The following MMP20 variants were observed in gnomAD, a reference collection of about 807,000 sequenced individuals.
The protein encoded by MMP20 is matrix metallopeptidase 20, also known as matrix metalloproteinase-20.
A neutral mutation model predicts 51.8 loss-of-function variants in MMP20; 50 were observed. That is an observed-to-expected ratio of 0.97 (90% CI 0.77 to 1.22). MMP20 has a LOEUF of 1.22. MMP20 is among the 50% of genes most tolerant of loss of function. The probability of loss-of-function intolerance (pLI) is 0.00; values close to 1 mark genes in which losing one functional copy is unlikely to be tolerated. For missense variants in MMP20, 663 were observed against 601.4 expected, an observed-to-expected ratio of 1.10 and a Z score of -1.07; for synonymous variants, 244 against 216.2, an observed-to-expected ratio of 1.13 and a Z score of -1.13.
intron 8 of MMP20, among the ~76,000 whole-genome samples, chr11:102,585,867 G>T (rs752588354): frequency 6.6e-5 from 10 of 152,082 alleles, no homozygotes; most frequent in Non-Finnish European, 1.3e-4. Flanking sequence ...TATCTACTGA[G>T]ATGATCATAT....
chr11:102,612,893 C>T (rs774568387), intron 2 of MMP20, among the ~76,000 whole-genome samples: 4 of 152,082 alleles, frequency 2.6e-5, no homozygotes, highest in South Asian at 4.2e-4. Flanking sequence ...CCCGCCACCA[C>T]GCCGGGCTAA....
rs1360867757 is a variant in MMP20, at chr11:102,625,310, G to A, written c.10C>T (p.Leu4Phe). The A allele has an allele frequency of 3.0e-5, 49 of 1,613,258 alleles. No individual in the cohort carries two copies. The highest frequency in any genetic ancestry group is 4.2e-5 in the Non-Finnish European group (49 of 1,179,646). Residue 4 changes from leucine to phenylalanine, a missense_variant, in exon 1 of 10, where the codon CTC becomes TTC. Physicochemically the swap from Leu to Phe is conservative, Grantham distance 22. Transcript: ENST00000260228. MKVLPASGLAVFLI... is the reference protein window; with the variant it reads MKVFPASGLAVFLI... ...AAGACAGCAAGGCCAGATGCAGGGA[G>A]CACCTTCATCCCCTCACAGTAGCTT...
At chr11:102,582,119 C>T (rs1784411) in intron 8 of MMP20, among the ~76,000 whole-genome samples, 113,777 of 152,114 alleles carry the variant, frequency 0.75, 42,800 homozygotes, top group East Asian at 0.98. Context: ...TTTTCAGATA[C>T]GTTATCTTAC....
chr11:102,579,009 AT>A (rs773213355), intron 9 of MMP20, 29 bp downstream of exon 9: 3 of 1,487,758 alleles, frequency 2.0e-6, no homozygotes, highest in Non-Finnish European at 2.8e-6. Context: ...GATAGTTTTC[AT>A]GAAGAAAGTT....
chr11:102,577,025 A>G lies in MMP20; in HGVS notation c.*301T>C, dbSNP rs1859133579. 1 of 330,192 alleles carries G rather than the reference A, an allele frequency of 3.0e-6. No homozygotes were observed. Among genetic ancestry groups the G allele is most frequent in the Non-Finnish European group, 5.7e-6 (1 of 174,656 alleles). 20.5% of individuals were successfully genotyped at this position (330,192 alleles called of 1,614,324 possible). ...GTCTTCCTCCTGGAAATAAAAATCA[A>G]ACGGATCAATCTGCTTCAGTATATT... On this transcript the variant is annotated 3_prime_UTR_variant, in exon 10 of 10. Coordinates refer to ENST00000260228, the MANE Select transcript of MMP20 (RefSeq NM_004771.4).
At chr11:102,605,386 A>T (rs972064203) in intron 6 of MMP20, 2 of 152,160 alleles carry the variant, frequency 1.3e-5, no homozygotes, top group Non-Finnish European at 2.9e-5. Flanking sequence ...GATTCTGGGT[A>T]AATTTTGCTT....
At chr11:102,594,832 A>T in intron 6 of MMP20, 75 bp from the exon 7 acceptor site, 2 of 1,551,384 alleles carry the variant, frequency 1.3e-6, no homozygotes, top group South Asian at 2.3e-5. Context: ...TTGCACTTTG[A>T]CTGAAATGTA....
At chr11:102,613,986 G>A (rs1430879696) in intron 2 of MMP20, among the ~76,000 whole-genome samples, 1 of 152,178 alleles carries the variant, frequency 6.6e-6, no homozygotes, top group African/African-American at 2.4e-5. Context: ...CAGAGAAGAA[G>A]AGAACATGGA....
At chr11:102,625,170 G>A in intron 1 of MMP20, 24 bp downstream of exon 1, 5 of 1,613,228 alleles carry the variant, frequency 3.1e-6, no homozygotes, top group Non-Finnish European at 4.2e-6. Context: ...GGAGCAAGAA[G>A]GAATTGGGCA....
intron 1 of MMP20, among the ~76,000 whole-genome samples, chr11:102,617,930 T>G (rs2135947409): frequency 6.6e-6 from 1 of 152,294 alleles, no homozygotes; most frequent in East Asian, 1.9e-4. Context: ...GGTTCAGTCC[T>G]CCTTTCATGT....
chr11:102,592,822 G>A (rs1438646018), intron 8 of MMP20, among the ~76,000 whole-genome samples: 3 of 152,244 alleles, frequency 2.0e-5, no homozygotes, highest in African/African-American at 7.2e-5. Flanking sequence ...TAGAAACTCA[G>A]TAGCTAAGAT....
intron 3 of MMP20, 91 bp downstream of exon 3, chr11:102,611,664 G>T: frequency 6.7e-7 from 1 of 1,484,018 alleles, no homozygotes; most frequent in Non-Finnish European, 9.3e-7. Context: ...CGAAGGAGGA[G>T]TGTGTGATCA....
intron 3 of MMP20, among the ~76,000 whole-genome samples, chr11:102,611,524 C>T (rs1463758514): frequency 6.6e-6 from 1 of 152,250 alleles, no homozygotes; most frequent in Non-Finnish European, 1.5e-5. Flanking sequence ...AAGTTTGTTA[C>T]AGTGAATCTA....
At chr11:102,606,828 C>G in intron 5 of MMP20, 152 bp from the exon 6 acceptor site, 1 of 846,684 alleles carries the variant, frequency 1.2e-6, no homozygotes, top group Non-Finnish European at 2.0e-6. Context: ...TGAGTCCCGG[C>G]TCTCCTGGTT....
chr11:102,608,505 C>A (rs964091130), intron 5 of MMP20, among the ~76,000 whole-genome samples: 10 of 152,190 alleles, frequency 6.6e-5, no homozygotes, highest in Admixed American at 2.6e-4. Flanking sequence ...CACACATGAA[C>A]CTGTTTTGTA....
At chr11:102,606,737 C>T (rs922510088) in intron 5 of MMP20, 61 bp from the exon 6 acceptor site, 2 of 1,588,054 alleles carry the variant, frequency 1.3e-6, no homozygotes, top group Admixed American at 1.7e-5. Context: ...CACACTTCTG[C>T]TCTAGAGCCC....
intron 8 of MMP20, among the ~76,000 whole-genome samples, chr11:102,580,699 A>G (rs915676884): frequency 4.6e-5 from 7 of 152,226 alleles, no homozygotes; most frequent in South Asian, 2.1e-4. Flanking sequence ...ACACGAGGTT[A>G]CCTACTTTTC....
At chr11:102,625,124 T>C in intron 1 of MMP20, 70 bp downstream of exon 1, 3 of 1,592,326 alleles carry the variant, frequency 1.9e-6, no homozygotes, top group Non-Finnish European at 2.6e-6. Context: ...TTTTTCTTAT[T>C]TTCTCACTAT....
chr11:102,611,218 G>C (rs902068026), intron 3 of MMP20, among the ~76,000 whole-genome samples: 6 of 152,198 alleles, frequency 3.9e-5, no homozygotes, highest in South Asian at 4.1e-4. Context: ...CAATGGAATG[G>C]AGAAGAAGTG....
Sources: gnomAD v4.1 joint callset for allele counts (sites outside exome capture counted in the v4.1 genomes callset) on GRCh38, gnomAD v4.1.1 for gene constraint, MANE v1.5 for transcripts, NCBI Gene and HGNC (gene_info 2026-07-23, HGNC 2026-07-21) for gene names.